The following CCDC192 variants were observed in gnomAD, a reference collection of about 807,000 sequenced individuals.
The protein encoded by CCDC192 is coiled-coil domain containing 192, also known as coiled-coil domain-containing protein 192.
chr5:127,762,801 G>A (rs950959508), intron 3 of CCDC192, among the ~76,000 whole-genome samples: 6 of 152,172 alleles, frequency 3.9e-5, no homozygotes, highest in Admixed American at 1.3e-4. Context: ...TTTTGTTCAT[G>A]AGATTTTCTT....
intron 6 of CCDC192, among the ~76,000 whole-genome samples, chr5:127,905,844 G>A (rs192658333): frequency 6.6e-6 from 1 of 152,284 alleles, no homozygotes; most frequent in East Asian, 1.9e-4. Context: ...TTTGATGGAT[G>A]AGAAAACTGA....
At chr5:127,758,795 G>T (rs1295795939) in intron 3 of CCDC192, among the ~76,000 whole-genome samples, 1 of 152,174 alleles carries the variant, frequency 6.6e-6, no homozygotes, top group African/African-American at 2.4e-5. Context: ...TTTTTCATGT[G>T]TGCTGGCTTC....
At chr5:127,799,479 C>T (rs1277093444) in intron 5 of CCDC192, among the ~76,000 whole-genome samples, 2 of 152,122 alleles carry the variant, frequency 1.3e-5, no homozygotes, top group African/African-American at 4.8e-5. Context: ...CCTGGTCTCC[C>T]CCTGAGGGTG....
At chr5:127,932,395 G>A (rs1039713465) in intron 6 of CCDC192, among the ~76,000 whole-genome samples, 3 of 151,704 alleles carry the variant, frequency 2.0e-5, no homozygotes, top group Non-Finnish European at 2.9e-5. Context: ...GTAGAGACAG[G>A]GTTTCTCCAT....
chr5:127,864,646 A>G (rs1267934429), intron 5 of CCDC192, among the ~76,000 whole-genome samples: 6 of 152,216 alleles, frequency 3.9e-5, no homozygotes, highest in Non-Finnish European at 7.3e-5. Flanking sequence ...AAAATATGCA[A>G]TATGAAACTT....
At chr5:127,904,792 G>A (rs954031969) in intron 6 of CCDC192, among the ~76,000 whole-genome samples, 16 of 152,074 alleles carry the variant, frequency 1.1e-4, no homozygotes, top group Non-Finnish European at 5.9e-5. Flanking sequence ...GTGAGCCACC[G>A]CACTTGGCCT....
chr5:127,781,576 C>CT lies in CCDC192; in HGVS notation c.223-15511dup, dbSNP rs1223496970. 4.1e-3 allele frequency among the ~76,000 whole-genome samples: 504 copies of CT among 124,134 alleles called. 7 individuals carry two copies. The highest frequency in any genetic ancestry group is 3.8e-3 in the Admixed American group (48 of 12,500). The allele number at this position is 124,134 out of a possible 152,430, so 81.4% of individuals were successfully genotyped here. A position where few individuals can be genotyped will look rare whatever the true frequency, so the allele number is the denominator to read the frequency against. ...TGGTTATGTATATTCCTAAGTATTC[C>CT]TTTTTTTTTTTTTTTTGCAGCTATG... On this transcript the variant is annotated intron_variant, in intron 3 of 6. Coordinates refer to ENST00000514853, the MANE Select transcript of CCDC192 (RefSeq NM_001317938.2).
intron 3 of CCDC192, 138 bp from the exon 4 acceptor site, chr5:127,796,965 C>G (rs1757197093): frequency 5.4e-6 from 2 of 370,408 alleles, no homozygotes; most frequent in Admixed American, 9.1e-5. Context: ...AATTTATCAT[C>G]TATGAGGAAT....
intron 6 of CCDC192, among the ~76,000 whole-genome samples, chr5:127,910,282 C>T (rs921397736): frequency 1.2e-4 from 19 of 152,320 alleles, no homozygotes; most frequent in Admixed American, 5.9e-4. Flanking sequence ...GTGGGTCCTT[C>T]GAAGCTTTTG....
Position 127,941,240 on chromosome 5 carries a change from A to C in CCDC192, c.594A>C (p.Arg198Ser), listed in dbSNP as rs1373304857. 3 of 399,056 alleles carry C rather than the reference A, an allele frequency of 7.5e-6. No homozygotes were observed. Among genetic ancestry groups the C allele is most frequent in the Non-Finnish European group, 1.3e-5 (3 of 226,074 alleles). 24.7% of individuals were successfully genotyped at this position (399,056 alleles called of 1,614,324 possible). ...TCCCACCTGTGGAAGAAGGTGATAG[A>C]AAAATTAGCCTGATAATGGAACTGT... ...GGLPPVEEGD[R>S]KISLIMELST... Residue 198 changes from arginine to serine, a missense_variant, in exon 7 of 7, where the codon AGA becomes AGC. By Grantham distance (110) the Arg-to-Ser change is moderately radical (BLOSUM62 -1). Coordinates refer to ENST00000514853, the MANE Select transcript of CCDC192 (RefSeq NM_001317938.2).
At chr5:127,787,662 G>A (rs1222785006) in intron 3 of CCDC192, among the ~76,000 whole-genome samples, 1 of 152,074 alleles carries the variant, frequency 6.6e-6, no homozygotes, top group Non-Finnish European at 1.5e-5. Flanking sequence ...AGCCTATCCT[G>A]GAGAATGCTT....
intron 3 of CCDC192, among the ~76,000 whole-genome samples, chr5:127,778,431 A>G (rs1374586252): frequency 1.3e-5 from 2 of 152,274 alleles, no homozygotes; most frequent in Middle Eastern, 3.4e-3. Context: ...ATTTTTAGAT[A>G]TTGAACCACT....
chr5:127,817,083 G>A (rs2127011772), intron 5 of CCDC192, among the ~76,000 whole-genome samples: 1 of 152,218 alleles, frequency 6.6e-6, no homozygotes, highest in Non-Finnish European at 1.5e-5. Context: ...TAATTGATTG[G>A]ATGCTGTGAT....
chr5:127,752,560 C>G (rs1018514347), intron 2 of CCDC192, among the ~76,000 whole-genome samples: 1 of 152,228 alleles, frequency 6.6e-6, no homozygotes, highest in South Asian at 2.1e-4. Flanking sequence ...TTACTGCTGT[C>G]TTTTTGTTTG....
rs67832481 is a variant in CCDC192 at position 127,754,494 on chromosome 5, T to TACACAC, written c.222+133_222+138dup. 12 of 311,852 alleles carry TACACAC rather than the reference T, an allele frequency of 3.8e-5. No individual in the cohort carries two copies. The South Asian group carries it at 1.0e-3, about 26-fold the overall frequency. 19.3% of individuals were successfully genotyped at this position (311,852 alleles called of 1,614,324 possible). On this transcript the variant is annotated intron_variant, in intron 3 of 6. Coordinates refer to ENST00000514853, the MANE Select transcript of CCDC192 (RefSeq NM_001317938.2). ...TGATACACACACACACACACACACA[T>TACACAC]ACACACACACACACACACATTGCAG... is the stretch of plus-strand genomic sequence containing the variant.
chr5:127,787,861 C>G (rs1004845354), intron 3 of CCDC192, among the ~76,000 whole-genome samples: 1 of 152,052 alleles, frequency 6.6e-6, no homozygotes, highest in Non-Finnish European at 1.5e-5. Context: ...ACAGGCAGAT[C>G]ACTTGAGGTG....
intron 5 of CCDC192, among the ~76,000 whole-genome samples, chr5:127,819,131 A>C (rs1273138110): frequency 1.3e-5 from 2 of 152,122 alleles, no homozygotes; most frequent in Non-Finnish European, 2.9e-5. Context: ...ACTTTTCCGG[A>C]AGTCCCTGAA....
At chr5:127,750,549 T>G (rs1376379389) in intron 2 of CCDC192, among the ~76,000 whole-genome samples, 10 of 151,232 alleles carry the variant, frequency 6.6e-5, no homozygotes, top group Non-Finnish European at 1.0e-4. Flanking sequence ...TGGTCAATTT[T>G]GGAATAGGTG....
intron 6 of CCDC192, among the ~76,000 whole-genome samples, chr5:127,921,282 G>A (rs1475451583): frequency 6.6e-6 from 1 of 151,494 alleles, no homozygotes; most frequent in African/African-American, 2.4e-5. Flanking sequence ...AGGAAGGAAA[G>A]GAAAAAAGAC....
Sources: allele counts gnomAD v4.1 joint callset (sites outside exome capture counted in the v4.1 genomes callset), GRCh38; gene constraint gnomAD v4.1.1; transcripts MANE v1.5; gene names NCBI Gene and HGNC (gene_info 2026-07-23, HGNC 2026-07-21).